GMPS: variants seen among roughly 807,000 people sequenced by gnomAD.
GMPS encodes the protein guanosine monophosphate synthase.
A neutral mutation model predicts 77.9 loss-of-function variants in GMPS; 15 were observed. The observed-to-expected ratio is 0.19, with a 90% CI of 0.13 to 0.30. The LOEUF is 0.30. Among genes scored for constraint, GMPS ranks in the 10% least tolerant of loss-of-function variants. The pLI is 1.00. For synonymous variants in GMPS, 224 were observed against 275.9 expected (o/e 0.81, Z 1.86); for missense variants, 590 against 838.8 (o/e 0.70, Z 3.66).
intron 10 of GMPS, 78 bp downstream of exon 10, chr3:155,919,416 AAAT>A: frequency 1.4e-6 from 1 of 694,920 alleles, no homozygotes; most frequent in Non-Finnish European, 2.6e-6. Flanking sequence ...GACAATTCTG[AAAT>A]AATCTGTCAT....
intron 5 of GMPS, 28 bp from the exon 6 acceptor site, chr3:155,910,664 T>C: frequency 7.9e-7 from 1 of 1,269,232 alleles, no homozygotes; most frequent in Non-Finnish European, 1.1e-6. Context: ...TGAAAAAATT[T>C]TAATTTGTGA....
intron 12 of GMPS, among the ~76,000 whole-genome samples, chr3:155,927,978 G>A (rs1450522193): frequency 2.3e-5 from 3 of 131,562 alleles, no homozygotes; most frequent in African/African-American, 5.8e-5. Flanking sequence ...AGTTATCCAT[G>A]TATTTATGTA....
intron 5 of GMPS, among the ~76,000 whole-genome samples, chr3:155,908,496 C>T (rs1754952817): frequency 6.6e-6 from 1 of 152,146 alleles, no homozygotes; most frequent in African/African-American, 2.4e-5. Context: ...GTTTTTTCTA[C>T]AGCAGTAGAA....
chr3:155,906,143 A>AT lies in GMPS; in HGVS notation c.423-11dup, dbSNP rs1394728545. ...TTTAATTAAGATATTTGTGTGTTTTATTTTTTGTATGTTTAGGGGCCTTCA... is the reference window on the plus strand; with the variant it reads ...TTTAATTAAGATATTTGTGTGTTTTATTTTTTTGTATGTTTAGGGGCCTTCA... On this transcript the variant is annotated splice_polypyrimidine_tract_variant and intron_variant, in intron 4 of 15. Coordinates refer to ENST00000496455, the MANE Select transcript of GMPS (RefSeq NM_003875.3). The AT allele has an allele frequency of 1.4e-6, 2 of 1,440,062 alleles. No homozygotes were observed. Among genetic ancestry groups the AT allele is most frequent in the South Asian group, 1.3e-5 (1 of 77,176 alleles). The allele number at this position is 1,440,062 out of a possible 1,614,324, so 89.2% of individuals were successfully genotyped here.
At position 155,883,054 on chromosome 3, in the gene GMPS, A is replaced by G. The variant is rs115320387; in HGVS notation, c.28-10464A>G. On this transcript the variant is annotated intron_variant, in intron 1 of 15. Coordinates refer to ENST00000496455, the MANE Select transcript of GMPS (RefSeq NM_003875.3). ...AATACTTGTGAAATTGTGACACTCT[A>G]TTACTTGAAGTTTAATTTTTTTTCT... Among the ~76,000 whole-genome samples the G allele has an allele frequency of 6.4e-3, 977 of 152,214 alleles. 9 individuals are homozygous for G. Among genetic ancestry groups the G allele is most frequent in the Non-Finnish European group, 9.8e-3 (664 of 68,010 alleles).
chr3:155,925,163 A>C lies in GMPS; in HGVS notation c.1435-78A>C, dbSNP rs115994291. On this transcript the variant is annotated intron_variant, in intron 11 of 15. Coordinates refer to ENST00000496455, the MANE Select transcript of GMPS (RefSeq NM_003875.3). Reference sequence around the variant, plus strand: ...CCACTGCTAAAAACCAGTAAAATACATAAGATAGTAGTAGATAATAAAAGA... The same window carrying C: ...CCACTGCTAAAAACCAGTAAAATACCTAAGATAGTAGTAGATAATAAAAGA... 1.3e-3 allele frequency: 1,667 copies of C among 1,286,144 alleles called. 17 individuals are homozygous for C. In the African/African-American group the frequency reaches 0.022, roughly 17 times the overall value. 79.7% of individuals were successfully genotyped at this position (1,286,144 alleles called of 1,614,324 possible).
intron 5 of GMPS, 75 bp from the exon 6 acceptor site, chr3:155,910,617 G>T: frequency 3.2e-6 from 2 of 627,996 alleles, no homozygotes; most frequent in Non-Finnish European, 2.6e-6. Context: ...GAGATTGTGA[G>T]AAATTAATTG....
At chr3:155,892,409 C>T (rs775446075) in intron 1 of GMPS, among the ~76,000 whole-genome samples, 3 of 152,156 alleles carry the variant, frequency 2.0e-5, no homozygotes, top group East Asian at 1.9e-4. Context: ...AGAAACCAGA[C>T]GAGTACAATG....
At chr3:155,929,198 G>A (rs1471736527) in intron 12 of GMPS, among the ~76,000 whole-genome samples, 6 of 150,722 alleles carry the variant, frequency 4.0e-5, no homozygotes, top group Non-Finnish European at 8.9e-5. Flanking sequence ...TCCAGCACCT[G>A]TTGTTTCCTG....
chr3:155,895,243 G>A (rs1754573491), intron 2 of GMPS, among the ~76,000 whole-genome samples: 1 of 151,970 alleles, frequency 6.6e-6, no homozygotes, highest in African/African-American at 2.4e-5. Context: ...ATAACTATTT[G>A]ACCACCCCTT....
Position 155,922,328 on chromosome 3 carries a change from A to G in GMPS, c.1434+26A>G, listed in dbSNP as rs180714273. On this transcript the variant is annotated intron_variant, in intron 11 of 15. Coordinates refer to ENST00000496455, the MANE Select transcript of GMPS (RefSeq NM_003875.3). The stretch of plus-strand genomic sequence containing the variant: ...GTAATATTTGATACAGCTAATCATT[A>G]CAAGAAATTGAACGGATTCTTATTA... 148 of 874,618 alleles carry G rather than the reference A, an allele frequency of 1.7e-4. No homozygotes were observed. In the African/African-American group the frequency reaches 2.3e-3, roughly 14 times the overall value. The allele number at this position is 874,618 out of a possible 1,614,324, so 54.2% of individuals were successfully genotyped here. A position where few individuals can be genotyped will look rare whatever the true frequency, so the allele number is the denominator to read the frequency against.
chr3:155,910,812 C>T lies in GMPS; in HGVS notation c.647C>T (p.Thr216Ile), dbSNP rs1755018192. ...TATGATATAGCTGGATGCAGTGGAA[C>T]CTTCACCGTGCAGAACAGAGAACTT... is the stretch of plus-strand genomic sequence containing the variant. Reference protein sequence around the residue: ...FLYDIAGCSGTFTVQNRELEC... With the variant: ...FLYDIAGCSGIFTVQNRELEC... Residue 216 changes from threonine (T) to isoleucine (I), a missense_variant, in exon 6 of 16, where the codon ACC becomes ATC. This residue lies in a region of GMPS where 136 missense variants were observed against 225.6 expected (regional missense o/e 0.60). Transcript: ENST00000496455. 1 of 1,612,328 alleles carries T rather than the reference C, an allele frequency of 6.2e-7. No homozygotes were observed.
At position 155,931,774 on chromosome 3, in the gene GMPS, C is replaced by T. The variant is rs761314783; in HGVS notation, c.1570C>T (p.Arg524Cys). 7.0e-6 allele frequency: 10 copies of T among 1,429,320 alleles called. No homozygotes were observed. The East Asian group carries it at 9.2e-5, about 13-fold the overall frequency. The allele number at this position is 1,429,320 out of a possible 1,614,324, so 88.5% of individuals were successfully genotyped here. A position where few individuals can be genotyped will look rare whatever the true frequency, so the allele number is the denominator to read the frequency against. ...ATCTTTTTATTTTCAGGGTGACTGT[C>T]GTTCCTACAGTTACGTGTGTGGAAT... Reference protein sequence around the residue: ...IKTVGVQGDCRSYSYVCGISS... With the variant: ...IKTVGVQGDCCSYSYVCGISS... The change falls in exon 13 of 16, where the codon CGT becomes TGT. Residue 524 changes from arginine to cysteine, a missense_variant. Arg to Cys is a radical substitution (Grantham distance 180). This residue lies in a region of GMPS where 89 missense variants were observed against 95.9 expected (regional missense o/e 0.93). Coordinates refer to ENST00000496455, the MANE Select transcript of GMPS (RefSeq NM_003875.3).
intron 1 of GMPS, among the ~76,000 whole-genome samples, chr3:155,883,591 A>AGTC (rs1333462759): frequency 6.6e-6 from 1 of 152,220 alleles, no homozygotes; most frequent in Non-Finnish European, 1.5e-5. Context: ...GAAGAGAACG[A>AGTC]GTCAGAGTTT....
chr3:155,879,442 C>T (rs1754155129), intron 1 of GMPS, among the ~76,000 whole-genome samples: 1 of 151,190 alleles, frequency 6.6e-6, no homozygotes, highest in South Asian at 2.1e-4. Flanking sequence ...AATTTTTGTA[C>T]TTTTAGTAGA....
upstream of GMPS, chr3:155,870,571 A>C (rs950389222): frequency 9.7e-5 from 32 of 331,136 alleles, no homozygotes; most frequent in African/African-American, 1.7e-4. Flanking sequence ...TGCGGAGGGT[A>C]TCTGAGGCTC....
intron 10 of GMPS, among the ~76,000 whole-genome samples, chr3:155,920,500 G>A (rs780950683): frequency 4.0e-5 from 6 of 150,812 alleles, no homozygotes; most frequent in Non-Finnish European, 7.4e-5. Flanking sequence ...GCTTGAACCC[G>A]GGAGGCAGAG....
intron 5 of GMPS, among the ~76,000 whole-genome samples, chr3:155,907,010 G>T (rs1754910420): frequency 6.6e-6 from 1 of 152,094 alleles, no homozygotes; most frequent in Non-Finnish European, 1.5e-5. Flanking sequence ...TATCACTAAA[G>T]TTCTCTTTGA....
intron 2 of GMPS, among the ~76,000 whole-genome samples, chr3:155,896,171 G>A (rs781184727): frequency 5.3e-5 from 8 of 151,840 alleles, no homozygotes; most frequent in East Asian, 1.9e-4. Context: ...CACCATGCCC[G>A]GCTAATTTTT....
Sources: gnomAD v4.1 joint callset for allele counts (sites outside exome capture counted in the v4.1 genomes callset) on GRCh38, gnomAD v4.1.1 for gene constraint, gnomAD v4.1.1 regional missense constraint, MANE v1.5 for transcripts, NCBI Gene and HGNC (gene_info 2026-07-23, HGNC 2026-07-21) for gene names.